Variants in TMEM86B observed in about 807,000 individuals in gnomAD.
TMEM86B encodes the protein lysoplasmalogenase TMEM86B.
TMEM86B carries 15 observed loss-of-function variants against 12.3 expected under a neutral mutation model. The ratio of observed to expected loss-of-function variants is 1.22; its 90% CI spans 0.81 to 1.87. TMEM86B has a LOEUF of 1.87. TMEM86B is among the 40% of genes most tolerant of loss of function. The pLI is 0.00. For missense variants in TMEM86B, 328 were observed against 297.4 expected, an observed-to-expected ratio of 1.10 and a Z score of -0.76; for synonymous variants, 173 against 140.3, an observed-to-expected ratio of 1.23 and a Z score of -1.65.
Position 55,227,018 on chromosome 19 carries a change from C to T in TMEM86B, c.*163G>A, listed in dbSNP as rs1568939740. 6 of 751,394 alleles carry T rather than the reference C, an allele frequency of 8.0e-6. No homozygotes were observed. The highest frequency in any genetic ancestry group is 9.4e-6 in the Non-Finnish European group (5 of 529,940). 46.5% of individuals were successfully genotyped at this position (751,394 alleles called of 1,614,324 possible). On this transcript the variant is annotated 3_prime_UTR_variant, in exon 3 of 3. Transcript: ENST00000327042. ...GTAGTGGACTTGGAATTCCGCAAAT[C>T]GTCCTCAAACGTCTTCAGCCAGAAG...
At position 55,228,236 on chromosome 19, in the gene TMEM86B, C is replaced by G. The variant is rs762262889; in HGVS notation, c.253G>C (p.Ala85Pro). ...QLLQGALVCS[A>P]VGDACLIWPA... ...CAGATGAGGCAAGCGTCCCCCACAG[C>G]CGAGCACACAAGGGCTCCCTGGAGG... The change falls in exon 2 of 3, where the codon GCT (alanine) becomes CCT (proline). Residue 85 changes from alanine (A) to proline (P), a missense_variant. Ala to Pro is a conservative substitution (Grantham distance 27). Coordinates refer to ENST00000327042, the MANE Select transcript of TMEM86B (RefSeq NM_173804.5). 2.5e-5 allele frequency: 40 copies of G among 1,612,248 alleles called. No homozygotes were observed. The African/African-American group carries it at 5.2e-4, about 21-fold the overall frequency.
Position 55,228,447 on chromosome 19 carries a change from G to T in TMEM86B, c.52-10C>A. 6.2e-7 allele frequency: 1 copy of T among 1,609,740 alleles called. No individual in the cohort carries two copies. The highest frequency in any genetic ancestry group is 8.5e-7 in the Non-Finnish European group (1 of 1,179,922). ...TGCAGACATCTGGGCGCTTTGGGGA[G>T]TGGGGAGCTACTGAGCCGAAACCCA... is the stretch of plus-strand genomic sequence containing the variant. On this transcript the variant is annotated splice_polypyrimidine_tract_variant and intron_variant, in intron 1 of 2. Transcript: ENST00000327042.
At position 55,227,453 on chromosome 19, in the gene TMEM86B, T is replaced by G. The variant is rs1221498471; in HGVS notation, c.409A>C (p.Ser137Arg). The G allele has an allele frequency of 6.4e-7, 1 of 1,559,612 alleles. No homozygotes were observed. The highest frequency in any genetic ancestry group is 8.7e-7 in the Non-Finnish European group (1 of 1,151,556). The change falls in exon 3 of 3, where the codon AGC becomes CGC. Residue 137 changes from serine (S) to arginine (R), a missense_variant. By Grantham distance (110) the Ser-to-Arg change is moderately radical. Transcript: ENST00000327042. ...LIILAPGPYL[S>R]LVLQHLEPDM... The stretch of plus-strand genomic sequence containing the variant: ...GGCTCGAGGTGCTGGAGCACAAGGC[T>G]GAGGTAGGGGCCAGGGGCCAGGATG...
chr19:55,227,152 C>T lies in TMEM86B; in HGVS notation c.*29G>A. The T allele has an allele frequency of 6.9e-7, 1 of 1,448,698 alleles. No individual in the cohort carries two copies. Among genetic ancestry groups the T allele is most frequent in the South Asian group, 1.5e-5 (1 of 67,010 alleles). 89.7% of individuals were successfully genotyped at this position (1,448,698 alleles called of 1,614,324 possible). ...CCCAGGTCCTTGCAGGAGGAGAGGGCCTGAACACCGGCCCTTCAAGCTCCC... is the reference window on the plus strand; with the variant it reads ...CCCAGGTCCTTGCAGGAGGAGAGGGTCTGAACACCGGCCCTTCAAGCTCCC... On this transcript the variant is annotated 3_prime_UTR_variant, in exon 3 of 3. Transcript: ENST00000327042.
intron 2 of TMEM86B, chr19:55,227,843 T>TCCCTGCC: frequency 3.4e-6 from 2 of 589,932 alleles, no homozygotes; most frequent in South Asian, 4.7e-5. Flanking sequence ...ACCTGACACG[T>TCCCTGCC]CCCTGCCCCG....
intron 2 of TMEM86B, chr19:55,227,792 G>T (rs1299609312): frequency 1.6e-6 from 1 of 637,660 alleles, no homozygotes; most frequent in East Asian, 2.8e-5. Context: ...CAGCTCTCCA[G>T]CCACTCTGCG....
chr19:55,228,734 G>A lies in TMEM86B; in HGVS notation c.8C>T (p.Ala3Val). The change falls in exon 1 of 3, where the codon GCT (alanine) becomes GTT (valine). Residue 3 changes from alanine to valine, a missense_variant. Coordinates refer to ENST00000327042, the MANE Select transcript of TMEM86B (RefSeq NM_173804.5). MD[A>V]GKAGQTLKTH... Reference sequence around the variant, plus strand: ...CTTCAGGGTCTGCCCCGCTTTGCCAGCGTCCATGCTGGCCTGATAGCCCCA... The same window carrying A: ...CTTCAGGGTCTGCCCCGCTTTGCCAACGTCCATGCTGGCCTGATAGCCCCA... The A allele has an allele frequency of 6.2e-7, 1 of 1,613,354 alleles. No homozygotes were observed. Among genetic ancestry groups the A allele is most frequent in the Non-Finnish European group, 8.5e-7 (1 of 1,179,848 alleles).
chr19:55,227,480 T>C lies in TMEM86B; in HGVS notation c.382A>G (p.Ile128Val). ...AGGTAGGGGCCAGGGGCCAGGATGA[T>C]GAGCAGCAGCAGGCCGGGCTGCAGG... ...SPLQPGLLLL[I>V]ILAPGPYLSL... is the part of the protein sequence containing the mutation. The change falls in exon 3 of 3, where the codon ATC becomes GTC. Residue 128 changes from isoleucine to valine, a missense_variant. Ile to Val is a conservative substitution (Grantham distance 29). Transcript: ENST00000327042. 6.4e-7 allele frequency: 1 copy of C among 1,552,996 alleles called. No homozygotes were observed. Among genetic ancestry groups the C allele is most frequent in the South Asian group, 1.2e-5 (1 of 84,260 alleles).
rs779153760 is a variant in TMEM86B, at chr19:55,228,423, G to A, written c.66C>T (p.Cys22=). The A allele has an allele frequency of 4.3e-6, 7 of 1,612,444 alleles. No homozygotes were observed. Among genetic ancestry groups the A allele is most frequent in the Non-Finnish European group, 5.9e-6 (7 of 1,179,994 alleles). Reference sequence around the variant, plus strand: ...AGAGGATGAAGGGGCTCAGCCACCTGCAGACATCTGGGCGCTTTGGGGAGT... The same window carrying A: ...AGAGGATGAAGGGGCTCAGCCACCTACAGACATCTGGGCGCTTTGGGGAGT... ...THCSAQRPDV[C]RWLSPFILSC... The change falls in exon 2 of 3, where the codon TGC becomes TGT. Residue 22 remains cysteine (C), a synonymous_variant. Coordinates refer to ENST00000327042, the MANE Select transcript of TMEM86B (RefSeq NM_173804.5).
chr19:55,228,584 T>C, intron 1 of TMEM86B, 107 bp downstream of exon 1: 1 of 1,523,990 alleles, frequency 6.6e-7, no homozygotes, highest in Non-Finnish European at 8.8e-7. Context: ...AGAACCCAGC[T>C]TCCCAGGGCC....
At position 55,228,681 on chromosome 19, in the gene TMEM86B, AGGCTCTCACCTG is replaced by A; in HGVS notation, c.49_51+9del. On this transcript the variant is annotated splice_donor_variant and splice_donor_5th_base_variant and coding_sequence_variant and intron_variant, in exon 1 of 3. Transcript: ENST00000327042. LOFTEE classifies it high-confidence loss of function. ...CCCCCAGCCCCAGGCACAGCTCAGA[AGGCTCTCACCTG>A]GGCTGAGCAGTGAGTCTTCAGGGTC... 6.2e-7 allele frequency: 1 copy of A among 1,611,602 alleles called. No individual in the cohort carries two copies. The highest frequency in any genetic ancestry group is 8.5e-7 in the Non-Finnish European group (1 of 1,178,872).
chr19:55,227,810 C>A (rs1346960062), intron 2 of TMEM86B: 1 of 618,502 alleles, frequency 1.6e-6, no homozygotes, highest in Non-Finnish European at 2.7e-6. Flanking sequence ...GCGCCAGCCA[C>A]CCTGGCCTGC....
At position 55,228,245 on chromosome 19, in the gene TMEM86B, C is replaced by T. The variant is rs761093798; in HGVS notation, c.244G>A (p.Val82Met). 70 of 1,612,432 alleles carry T rather than the reference C, an allele frequency of 4.3e-5. No individual in the cohort carries two copies. The highest frequency in any genetic ancestry group is 5.3e-5 in the Non-Finnish European group (63 of 1,179,670). ...CAAGCGTCCCCCACAGCCGAGCACACAAGGGCTCCCTGGAGGAGCTGGGTG... is the reference window on the plus strand; with the variant it reads ...CAAGCGTCCCCCACAGCCGAGCACATAAGGGCTCCCTGGAGGAGCTGGGTG... Reference protein sequence around the residue: ...GYTQLLQGALVCSAVGDACLI... With the variant: ...GYTQLLQGALMCSAVGDACLI... Residue 82 changes from valine (V) to methionine (M), a missense_variant, in exon 2 of 3, where the codon GTG becomes ATG. Transcript: ENST00000327042.
chr19:55,227,313 A>G lies in TMEM86B; in HGVS notation c.549T>C (p.Asp183=), dbSNP rs1214430098. ...GWGALLFTLS[D]GVLAWDTFAQ... is the part of the protein sequence containing the mutation. ...CGAAGGTGTCCCAGGCCAGCACGCC[A>G]TCAGAGAGCGTGAAGAGCAGCGCGC... The change falls in exon 3 of 3, where the codon GAT becomes GAC. Residue 183 remains aspartate (D), a synonymous_variant. Coordinates refer to ENST00000327042, the MANE Select transcript of TMEM86B (RefSeq NM_173804.5). The G allele has an allele frequency of 1.1e-5, 17 of 1,609,710 alleles. No homozygotes were observed. The highest frequency in any genetic ancestry group is 1.1e-5 in the Non-Finnish European group (13 of 1,178,034).
At chr19:55,228,669 G>T (rs2087309270) in intron 1 of TMEM86B, 22 bp downstream of exon 1, 2 of 1,607,066 alleles carry the variant, frequency 1.2e-6, no homozygotes, top group Non-Finnish European at 1.7e-6. Context: ...CCAGCCCCAG[G>T]CACAGCTCAG....
Position 55,227,402 on chromosome 19 carries a change from A to G in TMEM86B, c.460T>C (p.Tyr154His), listed in dbSNP as rs776143181. ...AGCATGGCCATCAGGATCAGCCCAT[A>G]GGCTGCCACCGGCAGGACCATATCC... is the stretch of plus-strand genomic sequence containing the variant. ...EPDMVLPVAAYGLILMAMLWR... is the reference protein window; with the variant it reads ...EPDMVLPVAAHGLILMAMLWR... The change falls in exon 3 of 3, where the codon TAT (tyrosine) becomes CAT (histidine). Residue 154 changes from tyrosine to histidine, a missense_variant. Physicochemically the swap from Tyr to His is moderately conservative, Grantham distance 83. Transcript: ENST00000327042. 5 of 1,587,158 alleles carry G rather than the reference A, an allele frequency of 3.2e-6. No individual in the cohort carries two copies. In the East Asian group the frequency reaches 6.8e-5, roughly 22 times the overall value.
In TMEM86B at chr19:55,228,763, C is replaced by G; in HGVS notation, c.-22G>C. 9 of 1,611,998 alleles carry G rather than the reference C, an allele frequency of 5.6e-6. No homozygotes were observed. Among genetic ancestry groups the G allele is most frequent in the Non-Finnish European group, 7.6e-6 (9 of 1,179,124 alleles). On this transcript the variant is annotated 5_prime_UTR_variant, in exon 1 of 3. Coordinates refer to ENST00000327042, the MANE Select transcript of TMEM86B (RefSeq NM_173804.5). ...CCATGCTGGCCTGATAGCCCCAGAGCGACCTAATCTGGGAGCGAGTGGCTT... is the reference window on the plus strand; with the variant it reads ...CCATGCTGGCCTGATAGCCCCAGAGGGACCTAATCTGGGAGCGAGTGGCTT...
chr19:55,228,224 C>T lies in TMEM86B; in HGVS notation c.265G>A (p.Ala89Thr), dbSNP rs1414505945. Reference sequence around the variant, plus strand: ...AAGGCTGCCGGCCAGATGAGGCAAGCGTCCCCCACAGCCGAGCACACAAGG... The same window carrying T: ...AAGGCTGCCGGCCAGATGAGGCAAGTGTCCCCCACAGCCGAGCACACAAGG... ...GALVCSAVGDACLIWPAAFVP... is the reference protein window; with the variant it reads ...GALVCSAVGDTCLIWPAAFVP... The change falls in exon 2 of 3, where the codon GCT becomes ACT. Residue 89 changes from alanine to threonine, a missense_variant. Coordinates refer to ENST00000327042, the MANE Select transcript of TMEM86B (RefSeq NM_173804.5). 4.3e-6 allele frequency: 7 copies of T among 1,611,586 alleles called. No individual in the cohort carries two copies. Among genetic ancestry groups the T allele is most frequent in the African/African-American group, 2.7e-5 (2 of 74,884 alleles).
At position 55,227,453 on chromosome 19, in the gene TMEM86B, T is replaced by C. The variant is rs1221498471; in HGVS notation, c.409A>G (p.Ser137Gly). 4.5e-6 allele frequency: 7 copies of C among 1,559,728 alleles called. No homozygotes were observed. The highest frequency in any genetic ancestry group is 3.5e-5 in the South Asian group (3 of 84,954). The change falls in exon 3 of 3, where the codon AGC becomes GGC. Residue 137 changes from serine to glycine, a missense_variant. Transcript: ENST00000327042. ...GGCTCGAGGTGCTGGAGCACAAGGC[T>C]GAGGTAGGGGCCAGGGGCCAGGATG... ...LIILAPGPYL[S>G]LVLQHLEPDM...
Sources: gnomAD v4.1 joint callset for allele counts on GRCh38, gnomAD v4.1.1 for gene constraint, MANE v1.5 for transcripts, NCBI Gene and HGNC (gene_info 2026-07-23, HGNC 2026-07-21) for gene names.